Variants in PCDHGA12 observed in about 807,000 individuals in gnomAD.
PCDHGA12 encodes protocadherin gamma subfamily A, 12.
PCDHGA12 carries 43 observed loss-of-function variants against 61.1 expected under a neutral mutation model. The ratio of observed to expected loss-of-function variants is 0.70; its 90% CI spans 0.55 to 0.91. PCDHGA12 has a LOEUF of 0.91. PCDHGA12 is among the 40% of genes least tolerant of loss of function. The pLI is 0.00. For synonymous variants in PCDHGA12, 520 were observed against 542.9 expected (o/e 0.96, Z 0.59); for missense variants, 1,236 against 1,227.7 (o/e 1.01, Z -0.10).
chr5:141,482,429 A>G (rs955366858), intron 1 of PCDHGA12, among the ~76,000 whole-genome samples: 1 of 151,366 alleles, frequency 6.6e-6, no homozygotes, highest in African/African-American at 2.4e-5. Flanking sequence ...AAAAATGATA[A>G]TACTGATATT....
rs531285035 is a variant in PCDHGA12, at chr5:141,493,409, C to T, written c.2425-1398C>T. Among the ~76,000 whole-genome samples, 4 of 152,286 alleles carry T rather than the reference C, an allele frequency of 2.6e-5. No homozygotes were observed. The East Asian group carries it at 7.7e-4, about 29-fold the overall frequency. On this transcript the variant is annotated intron_variant, in intron 1 of 3. Coordinates refer to ENST00000252085, the MANE Select transcript of PCDHGA12 (RefSeq NM_003735.3). The surrounding 1 kb of genome is among the most constrained non-coding windows in gnomAD (Gnocchi z 4.3). Reference sequence around the variant, plus strand: ...GGACAGGAGAGGGGAGTTGCCTCTGCTGGGATTTTGCTTCTGCTGGGATGG... The same window carrying T: ...GGACAGGAGAGGGGAGTTGCCTCTGTTGGGATTTTGCTTCTGCTGGGATGG...
Position 141,486,662 on chromosome 5 carries a change from C to T in PCDHGA12, c.2425-8145C>T. 6.2e-7 allele frequency: 1 copy of T among 1,613,970 alleles called. No homozygotes were observed. The highest frequency in any genetic ancestry group is 1.1e-5 in the South Asian group (1 of 91,086). ...GCTTATCTCCTACTCACTCCTGGAG[C>T]CCAGGAATCGAGATGTATCAGCTTC... On this transcript the variant is annotated intron_variant, in intron 1 of 3. Coordinates refer to ENST00000252085, the MANE Select transcript of PCDHGA12 (RefSeq NM_003735.3). The surrounding 1 kb of genome is among the most constrained non-coding windows in gnomAD (Gnocchi z 5.0).
At chr5:141,437,778 G>C (rs750813139) in intron 1 of PCDHGA12, among the ~76,000 whole-genome samples, 1 of 146,836 alleles carries the variant, frequency 6.8e-6, no homozygotes, top group Non-Finnish European at 1.5e-5. Flanking sequence ...TCAATCTGTC[G>C]CCAAGCTGGA....
intron 1 of PCDHGA12, chr5:141,440,968 T>A (rs1487107428): frequency 6.6e-6 from 1 of 152,198 alleles, no homozygotes; most frequent in African/African-American, 2.4e-5. Flanking sequence ...AGATCACATA[T>A]GGCTTCACAA....
chr5:141,490,009 A>T lies in PCDHGA12; in HGVS notation c.2425-4798A>T. Reference sequence around the variant, plus strand: ...TGTGGGAATCCCAGAGAATGCACCCATTGGTACTCTGCTGCTCCGCCTCAA... The same window carrying T: ...TGTGGGAATCCCAGAGAATGCACCCTTTGGTACTCTGCTGCTCCGCCTCAA... On this transcript the variant is annotated intron_variant, in intron 1 of 3. Transcript: ENST00000252085. The surrounding 1 kb of genome is among the most constrained non-coding windows in gnomAD (Gnocchi z 5.4). 5 of 1,614,214 alleles carry T rather than the reference A, an allele frequency of 3.1e-6. No individual in the cohort carries two copies. The highest frequency in any genetic ancestry group is 4.2e-6 in the Non-Finnish European group (5 of 1,180,032).
chr5:141,439,709 A>G (rs2098127560), intron 1 of PCDHGA12: 1 of 152,540 alleles, frequency 6.6e-6, no homozygotes, highest in African/African-American at 2.4e-5. Context: ...TATGGCTCCT[A>G]GTTCTACAAA....
In PCDHGA12 at chr5:141,431,135, A is replaced by T. The variant is rs140069213; in HGVS notation, c.376A>T (p.Ile126Phe). Residue 126 changes from isoleucine to phenylalanine, a missense_variant, in exon 1 of 4, where the codon ATT becomes TTT. Transcript: ENST00000252085. This position sits in a 1 kb window ranked among gnomAD's most constrained non-coding sequence, Gnocchi z 4.8. ...IYGVEVEVRD[I>F]NDNAPYFRES... ...TGGAGTAGAAGTAGAAGTAAGGGAC[A>T]TTAACGACAATGCGCCTTACTTTCG... 1 of 1,614,266 alleles carries T rather than the reference A, an allele frequency of 6.2e-7. No homozygotes were observed. Among genetic ancestry groups the T allele is most frequent in the African/African-American group, 1.3e-5 (1 of 75,078 alleles).
chr5:141,479,035 C>A (rs2099486361), intron 1 of PCDHGA12, among the ~76,000 whole-genome samples: 1 of 152,104 alleles, frequency 6.6e-6, no homozygotes, highest in Non-Finnish European at 1.5e-5. Context: ...TTATACAGAT[C>A]GTGTACCTCA....
chr5:141,446,623 TGC>T (rs1310809206), intron 1 of PCDHGA12, among the ~76,000 whole-genome samples: 1 of 152,014 alleles, frequency 6.6e-6, no homozygotes, highest in African/African-American at 2.4e-5. Flanking sequence ...ACTACAGGCG[TGC>T]ACCACCACGC....
chr5:141,458,701 C>A (rs1057501287), intron 1 of PCDHGA12, among the ~76,000 whole-genome samples: 3 of 152,088 alleles, frequency 2.0e-5, no homozygotes, highest in Non-Finnish European at 2.9e-5. Context: ...TCCCGAGTAG[C>A]TGGGATTACA....
chr5:141,476,234 G>A lies in PCDHGA12; in HGVS notation c.2425-18573G>A. 6.2e-7 allele frequency: 1 copy of A among 1,614,070 alleles called. No individual in the cohort carries two copies. The highest frequency in any genetic ancestry group is 8.5e-7 in the Non-Finnish European group (1 of 1,180,014). On this transcript the variant is annotated intron_variant, in intron 1 of 3. Coordinates refer to ENST00000252085, the MANE Select transcript of PCDHGA12 (RefSeq NM_003735.3). The surrounding 1 kb of genome is among the most constrained non-coding windows in gnomAD (Gnocchi z 7.6). Reference sequence around the variant, plus strand: ...GGTCATTCACTATGAGATCCCGGAGGAAAGAGAGAAGGGTTTCGCTGTGGG... The same window carrying A: ...GGTCATTCACTATGAGATCCCGGAGAAAAGAGAGAAGGGTTTCGCTGTGGG...
Position 141,511,253 on chromosome 5 carries a change from A to G in PCDHGA12, c.*80A>G. The G allele has an allele frequency of 1.3e-6, 2 of 1,568,402 alleles. No homozygotes were observed. The highest frequency in any genetic ancestry group is 1.7e-6 in the Non-Finnish European group (2 of 1,157,066). On this transcript the variant is annotated 3_prime_UTR_variant, in exon 4 of 4. Coordinates refer to ENST00000252085, the MANE Select transcript of PCDHGA12 (RefSeq NM_003735.3). ...CTCCTTACCTGCACCCAGGCCTCAG[A>G]GTTTCAGGGCTAACCCCCAGAATAC...
chr5:141,465,966 C>CA (rs2099113454), intron 1 of PCDHGA12, among the ~76,000 whole-genome samples: 1 of 151,802 alleles, frequency 6.6e-6, no homozygotes, highest in Non-Finnish European at 1.5e-5. Flanking sequence ...ACTAAAAATA[C>CA]AAAAAATTAG....
intron 1 of PCDHGA12, among the ~76,000 whole-genome samples, chr5:141,452,082 T>A (rs924362905): frequency 3.3e-5 from 5 of 152,240 alleles, no homozygotes; most frequent in Non-Finnish European, 7.3e-5. Context: ...GTTGGCATTA[T>A]ACAGTAAGAA....
chr5:141,509,819 C>T (rs1008625658), intron 3 of PCDHGA12, among the ~76,000 whole-genome samples: 3 of 152,154 alleles, frequency 2.0e-5, no homozygotes, highest in African/African-American at 7.2e-5. Context: ...AGCTCTTCTC[C>T]ATCTTCTCTC....
intron 2 of PCDHGA12, among the ~76,000 whole-genome samples, chr5:141,498,956 A>G (rs547381859): frequency 2.4e-5 from 3 of 124,058 alleles, no homozygotes; most frequent in African/African-American, 6.3e-5. Context: ...AAAAAGAGAG[A>G]GAGGGAGGGA....
At chr5:141,437,188 G>T (rs1303844523) in intron 1 of PCDHGA12, among the ~76,000 whole-genome samples, 1 of 152,146 alleles carries the variant, frequency 6.6e-6, no homozygotes, top group Non-Finnish European at 1.5e-5. Context: ...CTGGGCAATG[G>T]GTTTGGATGT....
chr5:141,477,189 A>G lies in PCDHGA12; in HGVS notation c.2425-17618A>G, dbSNP rs377372902. ...CCGGAGATCACAGTCACCTCCGTGT[A>G]CAGCCCAGTACCCGAGGATGCCCCT... On this transcript the variant is annotated intron_variant, in intron 1 of 3. Coordinates refer to ENST00000252085, the MANE Select transcript of PCDHGA12 (RefSeq NM_003735.3). The surrounding 1 kb of genome is among the most constrained non-coding windows in gnomAD (Gnocchi z 4.9). 6.2e-7 allele frequency: 1 copy of G among 1,614,070 alleles called. No homozygotes were observed. The highest frequency in any genetic ancestry group is 8.5e-7 in the Non-Finnish European group (1 of 1,180,040).
At position 141,476,573 on chromosome 5, in the gene PCDHGA12, C is replaced by T; in HGVS notation, c.2425-18234C>T. 6.2e-7 allele frequency: 1 copy of T among 1,614,216 alleles called. No homozygotes were observed. Among genetic ancestry groups the T allele is most frequent in the Non-Finnish European group, 8.5e-7 (1 of 1,180,038 alleles). On this transcript the variant is annotated intron_variant, in intron 1 of 3. Coordinates refer to ENST00000252085, the MANE Select transcript of PCDHGA12 (RefSeq NM_003735.3). The surrounding 1 kb of genome is among the most constrained non-coding windows in gnomAD (Gnocchi z 7.6). ...TAGCGAGGCCGTGGCTCCGGGGACG[C>T]GCTTTCCGCTCGAGAGCGCGCACGA... is the stretch of plus-strand genomic sequence containing the variant.
Sources: allele counts gnomAD v4.1 joint callset (sites outside exome capture counted in the v4.1 genomes callset), GRCh38; gene constraint gnomAD v4.1.1; non-coding constraint Gnocchi (gnomAD v3.1); transcripts MANE v1.5; gene names NCBI Gene and HGNC (gene_info 2026-07-23, HGNC 2026-07-21).